The following DSG1 variants were observed in gnomAD, a reference collection of about 807,000 sequenced individuals.
DSG1 encodes the protein desmoglein 1, also known as desmoglein-1.
Under a neutral mutation model 97.5 loss-of-function variants are expected in DSG1, and 39 were observed. The ratio of observed to expected loss-of-function variants is 0.40; its 90% CI spans 0.31 to 0.52. DSG1 has a LOEUF of 0.52. DSG1 is among the 20% of genes least tolerant of loss of function. DSG1 has a pLI of 0.53. For synonymous variants in DSG1, 475 were observed against 443.4 expected (o/e 1.07, Z -0.90); for missense variants, 1,311 against 1,295.4 (o/e 1.01, Z -0.18).
intron 9 of DSG1, 90 bp downstream of exon 9, chr18:31,336,703 T>A: frequency 7.6e-7 from 1 of 1,319,678 alleles, no homozygotes; most frequent in East Asian, 2.5e-5. Flanking sequence ...TGAGTTAAAA[T>A]ACTTTTCATT....
chr18:31,329,307 T>C (rs568350247), intron 4 of DSG1, among the ~76,000 whole-genome samples: 1 of 152,112 alleles, frequency 6.6e-6, no homozygotes, highest in Non-Finnish European at 1.5e-5. Flanking sequence ...TGTTACCTCT[T>C]CTATTAAAAC....
At chr18:31,344,810 A>G (rs1366984366) in intron 13 of DSG1, among the ~76,000 whole-genome samples, 1 of 152,224 alleles carries the variant, frequency 6.6e-6, no homozygotes, top group Admixed American at 6.5e-5. Context: ...GTATCACATT[A>G]CTTTTCTCAA....
intron 4 of DSG1, among the ~76,000 whole-genome samples, chr18:31,329,567 A>G (rs1230473262): frequency 9.9e-5 from 15 of 151,802 alleles, no homozygotes. Context: ...GTCTCATTAT[A>G]TTGCCCAGGC....
At chr18:31,354,068 A>C (rs2071928877) in intron 14 of DSG1, 1 of 524,424 alleles carries the variant, frequency 1.9e-6, no homozygotes, top group Non-Finnish European at 3.4e-6. Flanking sequence ...AAGTCCATCT[A>C]AGTAAATTTT....
At chr18:31,349,563 G>A (rs1181222299) in intron 14 of DSG1, among the ~76,000 whole-genome samples, 1 of 129,134 alleles carries the variant, frequency 7.7e-6, no homozygotes, top group East Asian at 2.4e-4. Context: ...TGGGCAGTAT[G>A]GCCATTTTCA....
chr18:31,322,163 C>T (rs1360338759), intron 1 of DSG1, among the ~76,000 whole-genome samples: 1 of 152,220 alleles, frequency 6.6e-6, no homozygotes. Context: ...TTGCCTGTTG[C>T]TCTCAAAACT....
intron 1 of DSG1, among the ~76,000 whole-genome samples, chr18:31,324,083 C>A (rs11081689): frequency 0.41 from 60,733 of 146,988 alleles, 13,551 homozygotes; most frequent in Non-Finnish European, 0.49. Context: ...TCCTGGGTTC[C>A]ATTGATTCTC....
intron 1 of DSG1, among the ~76,000 whole-genome samples, chr18:31,323,050 C>T (rs186321754): frequency 6.6e-6 from 1 of 152,220 alleles, no homozygotes; most frequent in East Asian, 1.9e-4. Flanking sequence ...TTACTGTTTT[C>T]ATAGAATTTT....
At chr18:31,323,508 T>G (rs1373655413) in intron 1 of DSG1, among the ~76,000 whole-genome samples, 1 of 152,194 alleles carries the variant, frequency 6.6e-6, no homozygotes, top group Non-Finnish European at 1.5e-5. Flanking sequence ...TTTCTTTTTC[T>G]GCCCATTCTC....
intron 6 of DSG1, 66 bp from the exon 7 acceptor site, chr18:31,333,523 T>C: frequency 1.2e-6 from 2 of 1,609,152 alleles, no homozygotes; most frequent in Non-Finnish European, 1.7e-6. Context: ...TTCAAAGAAC[T>C]TTACATAAGA....
At chr18:31,323,191 C>A (rs2071664425) in intron 1 of DSG1, among the ~76,000 whole-genome samples, 1 of 152,178 alleles carries the variant, frequency 6.6e-6, no homozygotes, top group Admixed American at 6.5e-5. Context: ...CTGATAACCT[C>A]TGTGTTCATC....
chr18:31,345,923 G>T (rs2071829497), intron 13 of DSG1, 67 bp from the exon 14 acceptor site: 1 of 1,274,184 alleles, frequency 7.8e-7, no homozygotes, highest in Non-Finnish European at 1.1e-6. Context: ...ATATTACAAG[G>T]CAAGTTGTTA....
rs1241723383 is a variant in DSG1 at position 31,354,293 on chromosome 18, T to G, written c.2101-4T>G. 1 of 1,613,302 alleles carries G rather than the reference T, an allele frequency of 6.2e-7. No individual in the cohort carries two copies. The highest frequency in any genetic ancestry group is 1.1e-5 in the South Asian group (1 of 91,064). Reference sequence around the variant, plus strand: ...TTCATTTTCTCTTTCTCCTATAAATTCAGAAAGCATATGCTTACGCAGATG... The same window carrying G: ...TTCATTTTCTCTTTCTCCTATAAATGCAGAAAGCATATGCTTACGCAGATG... On this transcript the variant is annotated splice_polypyrimidine_tract_variant and splice_region_variant and intron_variant, in intron 14 of 14. Transcript: ENST00000257192.
At chr18:31,338,570 C>A in intron 10 of DSG1, 116 bp downstream of exon 10, 2 of 1,113,414 alleles carry the variant, frequency 1.8e-6, no homozygotes, top group Non-Finnish European at 2.6e-6. Context: ...AGTTGTCACA[C>A]TGGGCATTAT....
intron 12 of DSG1, 73 bp downstream of exon 12, chr18:31,343,656 C>T: frequency 1.3e-6 from 2 of 1,597,666 alleles, no homozygotes; most frequent in Non-Finnish European, 1.7e-6. Context: ...ACCAAGATGG[C>T]CGCCATCACT....
intron 1 of DSG1, among the ~76,000 whole-genome samples, chr18:31,319,475 G>A (rs1040508635): frequency 1.3e-5 from 2 of 152,100 alleles, no homozygotes; most frequent in Non-Finnish European, 2.9e-5. Context: ...TAAGCTGGTG[G>A]CTTTGGTTCC....
chr18:31,334,674 A>G (rs2071741048), intron 8 of DSG1, among the ~76,000 whole-genome samples: 1 of 152,146 alleles, frequency 6.6e-6, no homozygotes, highest in African/African-American at 2.4e-5. Flanking sequence ...TTAAATTACT[A>G]TAAATGTAGA....
In DSG1 at chr18:31,346,112, T is replaced by C. The variant is rs1303991548; in HGVS notation, c.2014T>C (p.Tyr672His). 1.2e-6 allele frequency: 2 copies of C among 1,613,860 alleles called. No homozygotes were observed. Among genetic ancestry groups the C allele is most frequent in the Middle Eastern group, 1.6e-4 (1 of 6,062 alleles). The change falls in exon 14 of 15, where the codon TAC becomes CAC. Residue 672 changes from tyrosine to histidine, a missense_variant. Tyr to His is a moderately conservative substitution (Grantham distance 83). Around this residue, in one of 3 missense-constraint regions of DSG1, gnomAD observed 1,038 missense variants for 964.6 expected, o/e 1.08. Transcript: ENST00000257192. ...AGGAATGCCTGAGATATGTCAAGAA[T>C]ACTCTGGAACATTAAGAAGAAATTC... ...TSGMPEICQE[Y>H]SGTLRRNSMR...
In DSG1 at chr18:31,354,699, G is replaced by A. The variant is rs2071937242; in HGVS notation, c.2503G>A (p.Val835Ile). 2 of 1,614,010 alleles carry A rather than the reference G, an allele frequency of 1.2e-6. No homozygotes were observed. The highest frequency in any genetic ancestry group is 1.1e-5 in the South Asian group (1 of 91,082). Residue 835 changes from valine to isoleucine, a missense_variant, in exon 15 of 15, where the codon GTC becomes ATC. Around this residue, in one of 3 missense-constraint regions of DSG1, gnomAD observed 1,038 missense variants for 964.6 expected, o/e 1.08. Coordinates refer to ENST00000257192, the MANE Select transcript of DSG1 (RefSeq NM_001942.4). ...TCTCGATCCTCTGGGCTATGGTAAT[G>A]TCACTGTGACCGAGTCTTACACCAC... is the stretch of plus-strand genomic sequence containing the variant. ...PILDPLGYGNVTVTESYTTSD... is the reference protein window; with the variant it reads ...PILDPLGYGNITVTESYTTSD...
Sources: allele counts gnomAD v4.1 joint callset (sites outside exome capture counted in the v4.1 genomes callset), GRCh38; gene constraint gnomAD v4.1.1; regional missense constraint gnomAD v4.1.1; transcripts MANE v1.5; gene names NCBI Gene and HGNC (gene_info 2026-07-23, HGNC 2026-07-21).